Variants in SYNDIG1 observed in about 807,000 individuals in gnomAD.
SYNDIG1 encodes synapse differentiation inducing 1.
Under a neutral mutation model 19.4 loss-of-function variants are expected in SYNDIG1, and 9 were observed. That is an observed-to-expected ratio of 0.46 (90% CI 0.28 to 0.81). The LOEUF (loss-of-function observed/expected upper bound fraction) is 0.81, where lower values mean the gene tolerates loss of function less well. SYNDIG1 is among the 30% of genes least tolerant of loss of function. The pLI is 0.12. For missense variants in SYNDIG1, 311 were observed against 343.3 expected (o/e 0.91, Z 0.74); for synonymous variants, 141 against 145.9 (o/e 0.97, Z 0.24).
intron 3 of SYNDIG1, among the ~76,000 whole-genome samples, chr20:24,644,701 G>A (rs1412837936): frequency 2.0e-5 from 3 of 152,224 alleles, no homozygotes; most frequent in African/African-American, 7.2e-5. Flanking sequence ...CCAGGAACCA[G>A]CTATCTGAGA....
At chr20:24,545,879 A>G (rs1490165125) in intron 2 of SYNDIG1, among the ~76,000 whole-genome samples, 7 of 152,196 alleles carry the variant, frequency 4.6e-5, no homozygotes, top group Non-Finnish European at 1.0e-4. Flanking sequence ...TGACTTTTGA[A>G]TATAACGTAA....
chr20:24,533,793 A>G (rs1249697077), intron 1 of SYNDIG1, among the ~76,000 whole-genome samples: 1 of 152,122 alleles, frequency 6.6e-6, no homozygotes, highest in Non-Finnish European at 1.5e-5. Context: ...CCGTGATAGC[A>G]CCATCAATCC....
chr20:24,560,694 C>CTTTTTTTTTTTTTTTTTTTTTTTTTT (rs10658853), intron 2 of SYNDIG1, among the ~76,000 whole-genome samples: 2 of 113,822 alleles, frequency 1.8e-5, no homozygotes, highest in Non-Finnish European at 1.8e-5. Context: ...CTGTTGACTA[C>CTTTTTTTTTTTTTTTTTTTTTTTTTT]TTTTTTTTTT....
chr20:24,551,090 CTTT>C (rs2057698416), intron 2 of SYNDIG1, among the ~76,000 whole-genome samples: 1 of 152,072 alleles, frequency 6.6e-6, no homozygotes, highest in Non-Finnish European at 1.5e-5. Context: ...GGTATGATTT[CTTT>C]TTGTTTGTTA....
At chr20:24,627,144 G>GGAAAGCGAGAGC (rs2059159225) in intron 3 of SYNDIG1, among the ~76,000 whole-genome samples, 1 of 103,350 alleles carries the variant, frequency 9.7e-6, no homozygotes, top group African/African-American at 2.9e-5. Flanking sequence ...AGAGGGAGAG[G>GGAAAGCGAGAGC]GAGAGGGAGA....
chr20:24,474,575 G>A (rs1285988826), intron 1 of SYNDIG1, among the ~76,000 whole-genome samples: 1 of 152,218 alleles, frequency 6.6e-6, no homozygotes, highest in African/African-American at 2.4e-5. Flanking sequence ...TGCAATCCGT[G>A]TTCAGTGTGA....
intron 1 of SYNDIG1, among the ~76,000 whole-genome samples, chr20:24,513,530 T>G (rs1202914157): frequency 6.6e-6 from 1 of 152,068 alleles, no homozygotes; most frequent in African/African-American, 2.4e-5. Flanking sequence ...TATCAGTGAT[T>G]GAAGATCAAA....
chr20:24,476,932 A>T (rs1327306336), intron 1 of SYNDIG1, among the ~76,000 whole-genome samples: 1 of 151,732 alleles, frequency 6.6e-6, no homozygotes. Context: ...TGTAACATTC[A>T]TTGGTACACT....
At chr20:24,661,425 AG>A (rs2059589942) in intron 3 of SYNDIG1, among the ~76,000 whole-genome samples, 1 of 136,472 alleles carries the variant, frequency 7.3e-6, no homozygotes. Flanking sequence ...GGAGTTAGGA[AG>A]GAGGGAGGAA....
chr20:24,493,372 A>G (rs2056209248), intron 1 of SYNDIG1, among the ~76,000 whole-genome samples: 1 of 152,012 alleles, frequency 6.6e-6, no homozygotes. Context: ...GCATGCACAC[A>G]CACATGTGGA....
chr20:24,637,340 TC>T (rs1171454363), intron 3 of SYNDIG1, among the ~76,000 whole-genome samples: 15 of 152,296 alleles, frequency 9.8e-5, no homozygotes, highest in African/African-American at 3.4e-4. Context: ...AGCTACATTT[TC>T]TTCAAGTCCC....
intron 3 of SYNDIG1, among the ~76,000 whole-genome samples, chr20:24,612,429 A>G (rs2058863768): frequency 6.6e-6 from 1 of 152,188 alleles, no homozygotes; most frequent in Non-Finnish European, 1.5e-5. Context: ...GTCTTAAAGC[A>G]GGAGAAGAAA....
intron 1 of SYNDIG1, among the ~76,000 whole-genome samples, chr20:24,518,085 C>A (rs6049752): frequency 0.11 from 16,444 of 151,746 alleles, 1,247 homozygotes; most frequent in African/African-American, 0.21. Context: ...TTTTTTAGGA[C>A]TTTGAGGCTC....
intron 1 of SYNDIG1, among the ~76,000 whole-genome samples, chr20:24,482,482 C>A (rs149569538): frequency 6.6e-6 from 1 of 152,234 alleles, no homozygotes; most frequent in Non-Finnish European, 1.5e-5. Context: ...GCACCTGAGG[C>A]AGCCTTTGGG....
At chr20:24,579,432 T>C (rs1020692601) in intron 2 of SYNDIG1, among the ~76,000 whole-genome samples, 3 of 152,218 alleles carry the variant, frequency 2.0e-5, no homozygotes, top group Non-Finnish European at 4.4e-5. Flanking sequence ...AAAAAAACTC[T>C]GGTCTCTGTT....
At chr20:24,557,763 A>T (rs1347525721) in intron 2 of SYNDIG1, among the ~76,000 whole-genome samples, 1 of 151,966 alleles carries the variant, frequency 6.6e-6, no homozygotes, top group East Asian at 1.9e-4. Context: ...GGGGTCAGGG[A>T]CCCACTTGAG....
Position 24,568,505 on chromosome 20 carries a change from CAA to C in SYNDIG1, c.481-16350_481-16349del, listed in dbSNP as rs568518413. 3.3e-5 allele frequency among the ~76,000 whole-genome samples: 5 copies of C among 152,268 alleles called. No homozygotes were observed. In the South Asian group the frequency reaches 1.0e-3, roughly 32 times the overall value. On this transcript the variant is annotated intron_variant, in intron 2 of 3. Transcript: ENST00000376862. Reference sequence around the variant, plus strand: ...ATTCCCTTCTCATAACACCTGGAGTCAAGTCTGAACACACAGGACTTCAATGT... The same window carrying C: ...ATTCCCTTCTCATAACACCTGGAGTCGTCTGAACACACAGGACTTCAATGT...
intron 1 of SYNDIG1, among the ~76,000 whole-genome samples, chr20:24,507,900 C>T (rs904425833): frequency 5.3e-5 from 8 of 152,078 alleles, no homozygotes; most frequent in South Asian, 2.1e-4. Flanking sequence ...CCAGGAGGTG[C>T]GCTGTTCCAC....
intron 3 of SYNDIG1, among the ~76,000 whole-genome samples, chr20:24,647,304 T>C (rs935664556): frequency 6.6e-6 from 1 of 152,144 alleles, no homozygotes; most frequent in African/African-American, 2.4e-5. Context: ...CAGCACTTTC[T>C]CAGTGGCTTG....
Sources: gnomAD v4.1 joint callset for allele counts (sites outside exome capture counted in the v4.1 genomes callset) on GRCh38, gnomAD v4.1.1 for gene constraint, MANE v1.5 for transcripts, NCBI Gene and HGNC (gene_info 2026-07-23, HGNC 2026-07-21) for gene names.